PTPRD: variants seen among roughly 807,000 people sequenced by gnomAD.
PTPRD encodes the protein protein tyrosine phosphatase receptor type D, also known as receptor-type tyrosine-protein phosphatase delta.
PTPRD carries 34 observed loss-of-function variants against 214.5 expected under a neutral mutation model. The ratio of observed to expected loss-of-function variants is 0.16; its 90% CI spans 0.12 to 0.21. The LOEUF (loss-of-function observed/expected upper bound fraction) is 0.21, where lower values mean the gene tolerates loss of function less well. PTPRD is among the 10% of genes least tolerant of loss of function. The pLI, the probability that PTPRD is intolerant of heterozygous loss-of-function variation, is 1.00. For synonymous variants in PTPRD, 1,128 were observed against 845.7 expected, an observed-to-expected ratio of 1.33 and a Z score of -5.79; for missense variants, 2,545 against 2,398.7, an observed-to-expected ratio of 1.06 and a Z score of -1.27.
intron 7 of PTPRD, among the ~76,000 whole-genome samples, chr9:9,600,120 C>A (rs972650925): frequency 1.3e-5 from 2 of 151,954 alleles, no homozygotes; most frequent in African/African-American, 4.8e-5. Context: ...GCGGTATACA[C>A]CGACTAATAA....
chr9:10,093,994 C>T lies in PTPRD; in HGVS notation c.-544-60204G>A, dbSNP rs547704193. 6.6e-5 allele frequency among the ~76,000 whole-genome samples: 10 copies of T among 151,408 alleles called. No individual in the cohort carries two copies. In the South Asian group the frequency reaches 1.9e-3, roughly 28 times the overall value. The stretch of plus-strand genomic sequence containing the variant: ...AAATCCCTATAGGGTACTATGCTCA[C>T]TACCTGGGTGATAGGATCATCTGTA... On this transcript the variant is annotated intron_variant, in intron 3 of 45. Transcript: ENST00000381196.
chr9:9,911,833 ATGT>A (rs1364230199), intron 5 of PTPRD, among the ~76,000 whole-genome samples: 2 of 152,120 alleles, frequency 1.3e-5, no homozygotes, highest in Non-Finnish European at 2.9e-5. Flanking sequence ...TCCTGTGGTG[ATGT>A]TGTTTAATAA....
In PTPRD at chr9:8,800,984, T is replaced by C. The variant is rs191413687; in HGVS notation, c.-103-67038A>G. On this transcript the variant is annotated intron_variant, in intron 11 of 45. Coordinates refer to ENST00000381196, the MANE Select transcript of PTPRD (RefSeq NM_002839.4). The stretch of plus-strand genomic sequence containing the variant: ...TTTGAACATCAATGCTATGGGGCTA[T>C]GATACAAATACTTAATCTCTCTAAG... Among the ~76,000 whole-genome samples, 267 of 152,356 alleles carry C rather than the reference T, an allele frequency of 1.8e-3. 2 individuals carry two copies. The highest frequency in any genetic ancestry group is 6.8e-3 in the Middle Eastern group (2 of 294).
chr9:10,481,036 C>A (rs1370021656), intron 2 of PTPRD, among the ~76,000 whole-genome samples: 2 of 148,400 alleles, frequency 1.3e-5, no homozygotes, highest in African/African-American at 5.0e-5. Context: ...TCATTTGGTA[C>A]TTTTTTTTTT....
intron 9 of PTPRD, among the ~76,000 whole-genome samples, chr9:9,203,003 C>A (rs2099942763): frequency 6.6e-6 from 1 of 152,154 alleles, no homozygotes; most frequent in Non-Finnish European, 1.5e-5. Context: ...CCGTCTTTAT[C>A]CCTTTCTTGA....
chr9:8,917,738 C>T (rs756538410), intron 11 of PTPRD, among the ~76,000 whole-genome samples: 35 of 152,030 alleles, frequency 2.3e-4, no homozygotes, highest in Non-Finnish European at 3.8e-4. Context: ...GAAGGATGCA[C>T]CTATAAATGT....
chr9:9,086,425 C>G (rs1204775080), intron 10 of PTPRD, among the ~76,000 whole-genome samples: 1 of 152,104 alleles, frequency 6.6e-6, no homozygotes, highest in Non-Finnish European at 1.5e-5. Flanking sequence ...CTTAAGAAGG[C>G]TAGGAGCCTA....
At chr9:10,098,185 C>G (rs2098512256) in intron 3 of PTPRD, among the ~76,000 whole-genome samples, 1 of 151,630 alleles carries the variant, frequency 6.6e-6, no homozygotes, top group African/African-American at 2.4e-5. Context: ...GAGTTCATGT[C>G]CTTTGTAGGG....
At chr9:9,058,442 GTTTTTTTTT>G (rs777910266) in intron 10 of PTPRD, among the ~76,000 whole-genome samples, 7 of 69,916 alleles carry the variant, frequency 1.0e-4, no homozygotes, top group Admixed American at 2.5e-4. Context: ...TATTATGAGG[GTTTTTTTTT>G]TTTTTTTTTT....
chr9:10,525,759 T>TG (rs1555475990), intron 2 of PTPRD, among the ~76,000 whole-genome samples: 1 of 151,842 alleles, frequency 6.6e-6, no homozygotes, highest in Non-Finnish European at 1.5e-5. Flanking sequence ...TGTGTGTGTA[T>TG]TTTCCCTGAA....
chr9:9,944,862 A>G (rs567075392), intron 4 of PTPRD, among the ~76,000 whole-genome samples: 4 of 152,210 alleles, frequency 2.6e-5, no homozygotes, highest in South Asian at 4.1e-4. Flanking sequence ...TTTTGAGTAG[A>G]AAGCAGAGAA....
chr9:8,688,962 T>G (rs1250070918), intron 12 of PTPRD, among the ~76,000 whole-genome samples: 1 of 152,196 alleles, frequency 6.6e-6, no homozygotes, highest in East Asian at 1.9e-4. Context: ...ATTTGAAGAA[T>G]GTTCTAAATT....
chr9:9,823,634 A>C (rs140880618), intron 5 of PTPRD, among the ~76,000 whole-genome samples: 1 of 152,272 alleles, frequency 6.6e-6, no homozygotes, highest in African/African-American at 2.4e-5. Flanking sequence ...AGTTACAGAA[A>C]GACAAATATC....
At chr9:9,313,881 T>A (rs540214212) in intron 9 of PTPRD, among the ~76,000 whole-genome samples, 9 of 152,284 alleles carry the variant, frequency 5.9e-5, no homozygotes, top group African/African-American at 2.2e-4. Flanking sequence ...ACGTGTTGAT[T>A]TCTTTACATA....
chr9:9,952,840 GCA>G (rs2093577613), intron 4 of PTPRD, among the ~76,000 whole-genome samples: 1 of 152,096 alleles, frequency 6.6e-6, no homozygotes, highest in African/African-American at 2.4e-5. Flanking sequence ...CAAATCCACT[GCA>G]CAGTGTTTCT....
rs1000482310 is a variant in PTPRD at position 9,432,007 on chromosome 9, C to A, written c.-236-34525G>T. On this transcript the variant is annotated intron_variant, in intron 8 of 45. Transcript: ENST00000381196. ...CCATGGCACATGTATACATACGTAA[C>A]AAACCTGCATGTTGTGTACATGTAC... is the stretch of plus-strand genomic sequence containing the variant. 2.7e-4 allele frequency among the ~76,000 whole-genome samples: 41 copies of A among 149,568 alleles called. 1 individual carries two copies. The highest frequency in any genetic ancestry group is 9.6e-4 in the African/African-American group (39 of 40,612).
At chr9:8,772,724 G>A (rs547489908) in intron 11 of PTPRD, among the ~76,000 whole-genome samples, 1 of 151,772 alleles carries the variant, frequency 6.6e-6, no homozygotes, top group East Asian at 1.9e-4. Context: ...TCAATTCTGA[G>A]TCAGTTTCAA....
intron 2 of PTPRD, among the ~76,000 whole-genome samples, chr9:10,348,542 C>G (rs1007957208): frequency 1.3e-5 from 2 of 152,106 alleles, no homozygotes; most frequent in Non-Finnish European, 2.9e-5. Flanking sequence ...GTAATATTCC[C>G]TTGGTCAGAT....
chr9:9,710,119 G>C (rs189570246), intron 7 of PTPRD, among the ~76,000 whole-genome samples: 1 of 151,982 alleles, frequency 6.6e-6, no homozygotes, highest in African/African-American at 2.4e-5. Flanking sequence ...AAGATTATCA[G>C]AGCAATCTGA....
Sources: allele counts gnomAD v4.1 joint callset (sites outside exome capture counted in the v4.1 genomes callset), GRCh38; gene constraint gnomAD v4.1.1; transcripts MANE v1.5; gene names NCBI Gene and HGNC (gene_info 2026-07-23, HGNC 2026-07-21).